The following SPATA13 variants were observed in gnomAD, a reference collection of about 807,000 sequenced individuals.
SPATA13 encodes the protein spermatogenesis-associated protein 13.
SPATA13 carries 50 observed loss-of-function variants against 104.0 expected under a neutral mutation model. The ratio of observed to expected loss-of-function variants is 0.48; its 90% confidence interval spans 0.38 to 0.61. The LOEUF (loss-of-function observed/expected upper bound fraction) is 0.61. Among genes scored for constraint, SPATA13 ranks in the 20% least tolerant of loss-of-function variants. The pLI is 0.00. For synonymous variants in SPATA13, 606 were observed against 667.5 expected (o/e 0.91, Z 1.42); for missense variants, 1,524 against 1,690.6 (o/e 0.90, Z 1.73).
intron 3 of SPATA13, among the ~76,000 whole-genome samples, chr13:24,144,936 G>A (rs1881881887): frequency 6.6e-6 from 1 of 152,128 alleles, no homozygotes; most frequent in South Asian, 2.1e-4. Flanking sequence ...TTCCAAATTT[G>A]GATGAATATT....
intron 3 of SPATA13, among the ~76,000 whole-genome samples, chr13:24,057,372 C>G (rs1281353272): frequency 6.6e-6 from 1 of 152,134 alleles, no homozygotes; most frequent in Non-Finnish European, 1.5e-5. Context: ...TTTTCCCCCT[C>G]TATCTGCAGA....
intron 3 of SPATA13, among the ~76,000 whole-genome samples, chr13:24,020,453 TC>T (rs1259878514): frequency 6.6e-6 from 1 of 152,228 alleles, no homozygotes; most frequent in Non-Finnish European, 1.5e-5. Context: ...AGATTCACAA[TC>T]CATTTGAGTT....
intron 2 of SPATA13, among the ~76,000 whole-genome samples, chr13:24,013,346 C>G (rs576294382): frequency 7.5e-4 from 114 of 152,330 alleles, no homozygotes; most frequent in African/African-American, 2.7e-3. Context: ...CCCTCACCCA[C>G]TGGGCTGACG....
chr13:24,110,285 G>C lies in SPATA13; in HGVS notation c.-112+92584G>C, dbSNP rs180742952. ...TCAAGAGCATTGGTCAAGGAGTGAG[G>C]AAGGGAGGGGAGGATGGCTCTACCT... On this transcript the variant is annotated intron_variant, in intron 3 of 14. Transcript: ENST00000424834. Among the ~76,000 whole-genome samples, 18 of 152,058 alleles carry C rather than the reference G, an allele frequency of 1.2e-4. No homozygotes were observed. The East Asian group carries it at 3.3e-3, about 28-fold the overall frequency.
At chr13:24,257,986 G>A (rs1873871349) in intron 4 of SPATA13, among the ~76,000 whole-genome samples, 1 of 152,094 alleles carries the variant, frequency 6.6e-6, no homozygotes, top group African/African-American at 2.4e-5. Flanking sequence ...AAGAATTCTG[G>A]ATTCTGGGCA....
intron 1 of SPATA13, among the ~76,000 whole-genome samples, chr13:24,184,531 G>A (rs989491886): frequency 3.3e-5 from 5 of 152,208 alleles, no homozygotes; most frequent in African/African-American, 1.2e-4. Flanking sequence ...AGTGTTGCCA[G>A]TTTTGATTTT....
intron 3 of SPATA13, among the ~76,000 whole-genome samples, chr13:24,130,059 A>T (rs1318341643): frequency 6.6e-6 from 1 of 152,134 alleles, no homozygotes; most frequent in Non-Finnish European, 1.5e-5. Context: ...TTCCTTCAGG[A>T]TGTTTTCTTT....
At position 24,038,057 on chromosome 13, in the gene SPATA13, G is replaced by A. The variant is rs993341192; in HGVS notation, c.-112+20356G>A. Among the ~76,000 whole-genome samples the A allele has an allele frequency of 4.0e-5, 6 of 151,720 alleles. No individual in the cohort carries two copies. The South Asian group carries it at 8.3e-4, about 21-fold the overall frequency. On this transcript the variant is annotated intron_variant, in intron 3 of 14. Transcript: ENST00000424834. ...CTCCCGAGTAGCTGGGATTATAGGC[G>A]CCTGCCACCATGCCCAGCTAATTTT... is the stretch of plus-strand genomic sequence containing the variant.
In SPATA13 at chr13:24,116,771, C is replaced by CT. The variant is rs1425140041; in HGVS notation, c.-112+99070_-112+99071insT. Among the ~76,000 whole-genome samples, 299 of 98,198 alleles carry CT rather than the reference C, an allele frequency of 3.0e-3. 1 individual carries two copies. The highest frequency in any genetic ancestry group is 0.014 in the African/African-American group (186 of 13,390). 64.4% of individuals were successfully genotyped at this position (98,198 alleles called of 152,430 possible). Reference sequence around the variant, plus strand: ...ATTTGTATGTTGAAGCCCTACCAGCCCCCCCCCCCCAATGTGCTGATGTTT... The same window carrying CT: ...ATTTGTATGTTGAAGCCCTACCAGCCTCCCCCCCCCCAATGTGCTGATGTTT... On this transcript the variant is annotated intron_variant, in intron 3 of 14. Transcript: ENST00000424834.
intron 4 of SPATA13, among the ~76,000 whole-genome samples, chr13:24,262,315 T>C (rs1351349882): frequency 6.6e-6 from 1 of 151,804 alleles, no homozygotes; most frequent in Non-Finnish European, 1.5e-5. Flanking sequence ...TTTTCTTTTT[T>C]TTTTTTTAGC....
In SPATA13 at chr13:24,297,675, G is replaced by A; in HGVS notation, c.3523G>A (p.Ala1175Thr). Reference sequence around the variant, plus strand: ...TTGTGCCAAAAAACAAGAAGACAAGGCGAGGTGGCTGCAGGCCTGTGCAGA... The same window carrying A: ...TTGTGCCAAAAAACAAGAAGACAAGACGAGGTGGCTGCAGGCCTGTGCAGA... ...LFCAKKQEDK[A>T]RWLQACADER... The change falls in exon 11 of 13, where the codon GCG (alanine) becomes ACG (threonine). Residue 1175 changes from alanine to threonine, a missense_variant. By Grantham distance (58) the Ala-to-Thr change is moderately conservative (BLOSUM62 0). Coordinates refer to ENST00000382108, the MANE Select transcript of SPATA13 (RefSeq NM_001166271.3). The A allele has an allele frequency of 6.2e-7, 1 of 1,614,218 alleles. No homozygotes were observed. Among genetic ancestry groups the A allele is most frequent in the Non-Finnish European group, 8.5e-7 (1 of 1,180,048 alleles).
chr13:24,190,299 AT>A lies in SPATA13; in HGVS notation c.-112+29369del, dbSNP rs1355955363. On this transcript the variant is annotated intron_variant, in intron 1 of 12. Transcript: ENST00000382108. ...TTATATATAATATATAATATTATATATTATTATATATAATATATAATATTAT... is the reference window on the plus strand; with the variant it reads ...TTATATATAATATATAATATTATATATATTATATATAATATATAATATTAT... 4.2e-4 allele frequency among the ~76,000 whole-genome samples: 2 copies of A among 4,714 alleles called. 1 individual carries two copies. The highest frequency in any genetic ancestry group is 4.6e-4 in the African/African-American group (2 of 4,366). 3.1% of individuals were successfully genotyped at this position (4,714 alleles called of 152,430 possible). A position where few individuals can be genotyped will look rare whatever the true frequency, so the allele number is the denominator to read the frequency against.
At position 24,225,187 on chromosome 13, in the gene SPATA13, A is replaced by G. The variant is rs146008574; in HGVS notation, c.1653+605A>G. ...TGCCAGCCCAGATCCCATGCCTGCCAAGGGCAAACCAGGAATGGAGCAGCG... is the reference window on the plus strand; with the variant it reads ...TGCCAGCCCAGATCCCATGCCTGCCGAGGGCAAACCAGGAATGGAGCAGCG... On this transcript the variant is annotated intron_variant, in intron 2 of 12. Transcript: ENST00000382108. Among the ~76,000 whole-genome samples, 43 of 152,360 alleles carry G rather than the reference A, an allele frequency of 2.8e-4. No homozygotes were observed. In the East Asian group the frequency reaches 8.3e-3, roughly 29 times the overall value.
chr13:24,131,843 A>G (rs1399184708), intron 3 of SPATA13, among the ~76,000 whole-genome samples: 1 of 152,222 alleles, frequency 6.6e-6, no homozygotes, highest in Non-Finnish European at 1.5e-5. Context: ...AAATAGCAAC[A>G]TAAAACAAGG....
intron 3 of SPATA13, among the ~76,000 whole-genome samples, chr13:24,045,319 T>A (rs1453473546): frequency 6.6e-6 from 1 of 152,240 alleles, no homozygotes; most frequent in African/African-American, 2.4e-5. Context: ...TTTCTTCCCT[T>A]TCTATGAGGT....
chr13:23,983,699 T>G (rs1467745659), intron 1 of SPATA13: 3 of 154,674 alleles, frequency 1.9e-5, no homozygotes, highest in East Asian at 3.8e-4. Context: ...GCTTGCTTCA[T>G]AATTTATTTT....
chr13:24,217,827 C>T (rs747321489), intron 1 of SPATA13, among the ~76,000 whole-genome samples: 1 of 152,112 alleles, frequency 6.6e-6, no homozygotes, highest in East Asian at 1.9e-4. Flanking sequence ...CACAGAGACA[C>T]CACAGCTGCT....
intron 3 of SPATA13, among the ~76,000 whole-genome samples, chr13:24,053,623 G>T (rs1275252007): frequency 6.6e-6 from 1 of 152,058 alleles, no homozygotes; most frequent in Admixed American, 6.6e-5. Flanking sequence ...GATGTCCCAG[G>T]AGCACCCACT....
chr13:24,224,632 G>A (rs1347751677), intron 2 of SPATA13, 50 bp downstream of exon 2: 1 of 1,530,384 alleles, frequency 6.5e-7, no homozygotes, highest in South Asian at 1.2e-5. Flanking sequence ...CTGCGGGAAG[G>A]GAGCTTGCAC....
Sources: gnomAD v4.1 joint callset for allele counts (sites outside exome capture counted in the v4.1 genomes callset) on GRCh38, gnomAD v4.1.1 for gene constraint, MANE v1.5 for transcripts, NCBI Gene and HGNC (gene_info 2026-07-23, HGNC 2026-07-21) for gene names.